The following PLOD2 variants were observed in gnomAD, a reference collection of about 807,000 sequenced individuals.
PLOD2 encodes procollagen-lysine,2-oxoglutarate 5-dioxygenase 2.
A neutral mutation model predicts 101.0 loss-of-function variants in PLOD2; 65 were observed. The observed-to-expected ratio is 0.64, with a 90% CI of 0.53 to 0.79. The LOEUF (loss-of-function observed/expected upper bound fraction) is 0.79, where lower values mean the gene tolerates loss of function less well. PLOD2 is among the 30% of genes least tolerant of loss of function. The probability of loss-of-function intolerance (pLI) is 0.00; values close to 1 mark genes in which losing one functional copy is unlikely to be tolerated. For synonymous variants in PLOD2, 314 were observed against 302.9 expected (o/e 1.04, Z -0.38); for missense variants, 909 against 914.6 (o/e 0.99, Z 0.08).
intron 1 of PLOD2, among the ~76,000 whole-genome samples, chr3:146,152,898 T>C (rs1174757010): frequency 1.3e-5 from 2 of 152,220 alleles, no homozygotes; most frequent in Non-Finnish European, 2.9e-5. Flanking sequence ...TGTTTTGTTT[T>C]GCCCTTGGTT....
intron 1 of PLOD2, among the ~76,000 whole-genome samples, chr3:146,152,071 T>G (rs1409481227): frequency 6.6e-6 from 1 of 152,188 alleles, no homozygotes; most frequent in Non-Finnish European, 1.5e-5. Context: ...AAACTGCTAC[T>G]AAAATCAAGA....
intron 1 of PLOD2, among the ~76,000 whole-genome samples, chr3:146,136,343 A>G (rs755938205): frequency 2.6e-5 from 4 of 152,182 alleles, no homozygotes; most frequent in Admixed American, 1.3e-4. Context: ...AATTCAAACT[A>G]AAACTTTTTG....
intron 1 of PLOD2, among the ~76,000 whole-genome samples, chr3:146,134,294 T>C (rs2031102747): frequency 6.6e-6 from 1 of 152,158 alleles, no homozygotes; most frequent in African/African-American, 2.4e-5. Flanking sequence ...TTTATAAAAA[T>C]TAAAACAAAG....
intron 1 of PLOD2, among the ~76,000 whole-genome samples, chr3:146,143,350 A>G (rs1269477500): frequency 6.6e-6 from 1 of 152,096 alleles, no homozygotes; most frequent in Non-Finnish European, 1.5e-5. Flanking sequence ...GTTAAGACTT[A>G]AACAAATTAA....
At position 146,070,182 on chromosome 3, in the gene PLOD2, C is replaced by CT. The variant is rs1936072856; in HGVS notation, c.*534dup. The CT allele has an allele frequency of 6.6e-6, 1 of 151,942 alleles. No individual in the cohort carries two copies. The highest frequency in any genetic ancestry group is 1.5e-5 in the Non-Finnish European group (1 of 68,016). 9.4% of individuals were successfully genotyped at this position (151,942 alleles called of 1,614,324 possible). ...TTCTTGAGGAAAACGTTGTGTAATTCTTTGTGTGTTCCCTTAGTAACTACT... is the reference window on the plus strand; with the variant it reads ...TTCTTGAGGAAAACGTTGTGTAATTCTTTTGTGTGTTCCCTTAGTAACTACT... On this transcript the variant is annotated 3_prime_UTR_variant, in exon 20 of 20. Coordinates refer to ENST00000282903, the MANE Select transcript of PLOD2 (RefSeq NM_182943.3).
At chr3:146,134,737 A>G (rs1250813053) in intron 1 of PLOD2, among the ~76,000 whole-genome samples, 2 of 152,252 alleles carry the variant, frequency 1.3e-5, no homozygotes, top group Non-Finnish European at 2.9e-5. Context: ...GAGGTAATAC[A>G]TTCCTGCCAA....
Position 146,088,603 on chromosome 3 carries a change from G to A in PLOD2, c.988C>T (p.Leu330Phe). The A allele has an allele frequency of 6.3e-7, 1 of 1,578,262 alleles. No individual in the cohort carries two copies. Among genetic ancestry groups the A allele is most frequent in the South Asian group, 1.1e-5 (1 of 90,140 alleles). The change falls in exon 9 of 20, where the codon CTT (leucine) becomes TTT (phenylalanine). Residue 330 changes from leucine to phenylalanine, a missense_variant. Leu to Phe is a conservative substitution (Grantham distance 22). Coordinates refer to ENST00000282903, the MANE Select transcript of PLOD2 (RefSeq NM_182943.3). ...TLDYPKEALK[L>F]FIHNKEVYHE... ...ATACTTACTTTGTTATGAATAAAAA[G>A]TTTAAGTGCTTCTTTTGGGTAATCC...
At chr3:146,072,500 C>A in intron 17 of PLOD2, 61 bp downstream of exon 17, 1 of 1,023,080 alleles carries the variant, frequency 9.8e-7, no homozygotes, top group Non-Finnish European at 1.6e-6. Flanking sequence ...CCTCCGAATT[C>A]TCTGAGTATC....
At chr3:146,088,542 C>A in intron 9 of PLOD2, 44 bp downstream of exon 9, 1 of 1,363,824 alleles carries the variant, frequency 7.3e-7, no homozygotes. Context: ...CAAAAAAGAC[C>A]AAAAATAGTT....
intron 3 of PLOD2, among the ~76,000 whole-genome samples, chr3:146,115,384 T>C (rs1319781884): frequency 6.6e-6 from 1 of 152,184 alleles, no homozygotes. Context: ...TCTCAATAGA[T>C]GATTGAGATT....
chr3:146,140,999 T>C (rs2031495923), intron 1 of PLOD2, among the ~76,000 whole-genome samples: 1 of 152,078 alleles, frequency 6.6e-6, no homozygotes, highest in African/African-American at 2.4e-5. Context: ...ACAACATGTT[T>C]CTTCATTTAC....
chr3:146,135,373 C>A (rs77613386), intron 1 of PLOD2, among the ~76,000 whole-genome samples: 2,131 of 152,202 alleles, frequency 0.014, 53 homozygotes, highest in African/African-American at 0.048. Flanking sequence ...CTACAAATAT[C>A]ATCTTCTATG....
At chr3:146,158,159 T>A (rs576797360) in intron 1 of PLOD2, among the ~76,000 whole-genome samples, 3 of 152,002 alleles carry the variant, frequency 2.0e-5, no homozygotes, top group African/African-American at 7.3e-5. Flanking sequence ...CTTCTCCTTA[T>A]CCCATCTAGA....
chr3:146,144,183 C>T (rs1413124384), intron 1 of PLOD2, among the ~76,000 whole-genome samples: 1 of 152,120 alleles, frequency 6.6e-6, no homozygotes, highest in Non-Finnish European at 1.5e-5. Context: ...TTTATACCTT[C>T]CCAATACATT....
chr3:146,112,410 ACAC>A (rs1365736152), intron 3 of PLOD2, among the ~76,000 whole-genome samples: 1 of 152,048 alleles, frequency 6.6e-6, no homozygotes, highest in Non-Finnish European at 1.5e-5. Context: ...AGAAAACCAA[ACAC>A]CACGTGTTCT....
intron 5 of PLOD2, among the ~76,000 whole-genome samples, chr3:146,105,790 A>C (rs1937526285): frequency 6.6e-6 from 1 of 152,232 alleles, no homozygotes; most frequent in Non-Finnish European, 1.5e-5. Flanking sequence ...GTGTGGATAC[A>C]GAGTCTAGCC....
intron 5 of PLOD2, among the ~76,000 whole-genome samples, chr3:146,105,778 A>G (rs1937526052): frequency 6.6e-6 from 1 of 152,176 alleles, no homozygotes; most frequent in Non-Finnish European, 1.5e-5. Context: ...TCTACTGATA[A>G]AGTGTGGATA....
At chr3:146,150,762 T>C (rs369407411) in intron 1 of PLOD2, among the ~76,000 whole-genome samples, 126 of 152,308 alleles carry the variant, frequency 8.3e-4, no homozygotes, top group African/African-American at 2.9e-3. Flanking sequence ...GCATAATTGT[T>C]ATTAATTTAT....
At chr3:146,138,554 T>C (rs2031360890) in intron 1 of PLOD2, among the ~76,000 whole-genome samples, 1 of 151,986 alleles carries the variant, frequency 6.6e-6, no homozygotes, top group African/African-American at 2.4e-5. Flanking sequence ...ACAGAGAATA[T>C]GACTGGGCTG....
Sources: allele counts gnomAD v4.1 joint callset (sites outside exome capture counted in the v4.1 genomes callset), GRCh38; gene constraint gnomAD v4.1.1; transcripts MANE v1.5; gene names NCBI Gene and HGNC (gene_info 2026-07-23, HGNC 2026-07-21).